Variants in VSTM2B observed in about 807,000 individuals in gnomAD.
The protein encoded by VSTM2B is V-set and transmembrane domain containing 2B, also known as V-set and transmembrane domain-containing protein 2B.
VSTM2B carries 24 observed loss-of-function variants against 24.0 expected under a neutral mutation model. That is an observed-to-expected ratio of 1.00 (90% CI 0.72 to 1.40). The LOEUF (loss-of-function observed/expected upper bound fraction) is 1.40. VSTM2B is among the 40% of genes most tolerant of loss of function. The pLI is 0.00. For missense variants in VSTM2B, 399 were observed against 416.4 expected (o/e 0.96, Z 0.36); for synonymous variants, 226 against 194.4 (o/e 1.16, Z -1.35).
At position 29,539,527 on chromosome 19, in the gene VSTM2B, A is replaced by G. The variant is rs374265432; in HGVS notation, c.769+9237A>G. Among the ~76,000 whole-genome samples the G allele has an allele frequency of 1.9e-4, 29 of 152,208 alleles. No homozygotes were observed. In the South Asian group the frequency reaches 3.5e-3, roughly 19 times the overall value. The stretch of plus-strand genomic sequence containing the variant: ...CCCCATCACTGGGGCCTTTACAGAG[A>G]TAGAGTGAGAGAGAGAGTGAGAGCC... On this transcript the variant is annotated intron_variant, in intron 4 of 4. Coordinates refer to ENST00000335523, the MANE Select transcript of VSTM2B (RefSeq NM_001146339.2).
At chr19:29,558,268 TA>T (rs1352005742) in intron 4 of VSTM2B, among the ~76,000 whole-genome samples, 2 of 152,188 alleles carry the variant, frequency 1.3e-5, no homozygotes, top group Non-Finnish European at 2.9e-5. Context: ...GGTGGGAATA[TA>T]AATTAGTTCA....
chr19:29,525,847 C>A (rs978609824), upstream of VSTM2B: 3 of 150,360 alleles, frequency 2.0e-5, no homozygotes, highest in African/African-American at 7.3e-5. Flanking sequence ...TCCGAGCGAC[C>A]CCCGAGGAGA....
intron 4 of VSTM2B, among the ~76,000 whole-genome samples, chr19:29,539,049 C>G (rs1419700303): frequency 2.6e-5 from 4 of 152,130 alleles, no homozygotes; most frequent in Non-Finnish European, 5.9e-5. Flanking sequence ...CTGGCTGCAC[C>G]ATTTCAAGGG....
chr19:29,533,293 A>G (rs1209211828), intron 4 of VSTM2B, among the ~76,000 whole-genome samples: 2 of 152,186 alleles, frequency 1.3e-5, no homozygotes, highest in Non-Finnish European at 2.9e-5. Flanking sequence ...GTCCACTGCC[A>G]TCTAGAAAGC....
At chr19:29,543,478 T>C (rs774676237) in intron 4 of VSTM2B, among the ~76,000 whole-genome samples, 8 of 152,226 alleles carry the variant, frequency 5.3e-5, no homozygotes, top group Non-Finnish European at 1.0e-4. Context: ...CGGATTGTAA[T>C]GGGAAAGGAC....
chr19:29,536,752 G>C (rs1170190132), intron 4 of VSTM2B, among the ~76,000 whole-genome samples: 2 of 152,150 alleles, frequency 1.3e-5, no homozygotes, highest in Admixed American at 1.3e-4. Context: ...AGCCAGCCTT[G>C]TTAAATGTCA....
intron 4 of VSTM2B, among the ~76,000 whole-genome samples, chr19:29,561,326 A>C (rs980662987): frequency 7.1e-5 from 9 of 126,178 alleles, no homozygotes; most frequent in Admixed American, 4.4e-4. Flanking sequence ...AAATAAAAAT[A>C]AAAAAAATTT....
At chr19:29,537,429 C>G (rs1969916215) in intron 4 of VSTM2B, among the ~76,000 whole-genome samples, 1 of 152,138 alleles carries the variant, frequency 6.6e-6, no homozygotes, top group African/African-American at 2.4e-5. Context: ...AGCCCAGGCC[C>G]CTTCTCCTGC....
rs1332513560 is a variant in VSTM2B, at chr19:29,526,420, G to C, written c.-164G>C. ...GAGCCGCACCGGGCAAGCCGGCGAG[G>C]GAGCGGGGCTGATTGGCGGCCGCCG... On this transcript the variant is annotated 5_prime_UTR_variant, in exon 1 of 5. Transcript: ENST00000335523. This position sits in a 1 kb window ranked among gnomAD's most constrained non-coding sequence, Gnocchi z 4.1. The C allele has an allele frequency of 8.0e-6, 2 of 249,670 alleles. No individual in the cohort carries two copies. The highest frequency in any genetic ancestry group is 2.3e-5 in the African/African-American group (1 of 43,584). The allele number at this position is 249,670 out of a possible 1,614,324, so 15.5% of individuals were successfully genotyped here. A position where few individuals can be genotyped will look rare whatever the true frequency, so the allele number is the denominator to read the frequency against.
At chr19:29,555,950 T>C (rs1229378865) in intron 4 of VSTM2B, among the ~76,000 whole-genome samples, 1 of 152,146 alleles carries the variant, frequency 6.6e-6, no homozygotes, top group Admixed American at 6.5e-5. Flanking sequence ...TGGGACCAGA[T>C]GGATTTACAG....
intron 4 of VSTM2B, among the ~76,000 whole-genome samples, chr19:29,534,425 A>G (rs1227395530): frequency 1.3e-5 from 2 of 152,160 alleles, no homozygotes; most frequent in Non-Finnish European, 2.9e-5. Context: ...GGCACTGAAG[A>G]GGCTCATGGC....
intron 4 of VSTM2B, among the ~76,000 whole-genome samples, chr19:29,540,089 C>A (rs1434537675): frequency 6.6e-6 from 1 of 152,242 alleles, no homozygotes; most frequent in African/African-American, 2.4e-5. Context: ...ACAATTGATT[C>A]TCATACAAAT....
rs188774369 is a variant in VSTM2B at position 29,555,893 on chromosome 19, T to A, written c.770-7953T>A. Among the ~76,000 whole-genome samples, 12 of 152,068 alleles carry A rather than the reference T, an allele frequency of 7.9e-5. No individual in the cohort carries two copies. In the East Asian group the frequency reaches 2.1e-3, roughly 27 times the overall value. On this transcript the variant is annotated intron_variant, in intron 4 of 4. Transcript: ENST00000335523. ...AATCCCTGAATAGACCAGTAATAAG[T>A]TTTGAAATTGAGGCAGTAATAAATA...
At chr19:29,527,144 C>T (rs1013299351) in intron 1 of VSTM2B, 67 bp from the exon 2 acceptor site, 10 of 1,398,360 alleles carry the variant, frequency 7.2e-6, no homozygotes, top group African/African-American at 5.8e-5. Context: ...CCGACTGCCT[C>T]GCTTTAGGTT....
Position 29,530,243 on chromosome 19 carries a change from C to G in VSTM2B, c.722C>G (p.Ser241Trp). 1.3e-6 allele frequency: 2 copies of G among 1,503,322 alleles called. No homozygotes were observed. The highest frequency in any genetic ancestry group is 1.8e-6 in the Non-Finnish European group (2 of 1,133,054). 93.1% of individuals were successfully genotyped at this position (1,503,322 alleles called of 1,614,324 possible). A position where few individuals can be genotyped will look rare whatever the true frequency, so the allele number is the denominator to read the frequency against. Residue 241 changes from serine (S) to tryptophan (W), a missense_variant, in exon 4 of 5, where the codon TCG becomes TGG. By Grantham distance (177) the Ser-to-Trp change is radical. Coordinates refer to ENST00000335523, the MANE Select transcript of VSTM2B (RefSeq NM_001146339.2). Reference sequence around the variant, plus strand: ...GCAGCTGCTGCTGCCTCGTCAGCGTCGCCGCCATCGGGACAGGCGGTCCTG... The same window carrying G: ...GCAGCTGCTGCTGCCTCGTCAGCGTGGCCGCCATCGGGACAGGCGGTCCTG... ...VAAAAAASSASPPSGQAVLLR... is the reference protein window; with the variant it reads ...VAAAAAASSAWPPSGQAVLLR...
intron 3 of VSTM2B, 128 bp downstream of exon 3, chr19:29,528,590 C>A (rs1969644897): frequency 1.7e-6 from 2 of 1,196,282 alleles, no homozygotes; most frequent in Non-Finnish European, 2.4e-6. Flanking sequence ...GCGATCGCAG[C>A]CTTGCATCGG....
At chr19:29,542,064 G>GT (rs1251657780) in intron 4 of VSTM2B, among the ~76,000 whole-genome samples, 1 of 151,062 alleles carries the variant, frequency 6.6e-6, no homozygotes, top group Non-Finnish European at 1.5e-5. Flanking sequence ...GAATGGATGG[G>GT]TAGAAGGATG....
intron 4 of VSTM2B, among the ~76,000 whole-genome samples, chr19:29,561,249 T>C (rs1409670608): frequency 6.6e-6 from 1 of 151,008 alleles, no homozygotes. Flanking sequence ...GAGGCAGAGG[T>C]TGCAGTGAGC....
chr19:29,532,921 A>G (rs1322870153), intron 4 of VSTM2B, among the ~76,000 whole-genome samples: 2 of 152,182 alleles, frequency 1.3e-5, no homozygotes, highest in Non-Finnish European at 2.9e-5. Context: ...CAAAATGATA[A>G]TGAGACCAAG....
Sources: gnomAD v4.1 joint callset for allele counts (sites outside exome capture counted in the v4.1 genomes callset) on GRCh38, gnomAD v4.1.1 for gene constraint, Gnocchi (gnomAD v3.1) non-coding constraint, MANE v1.5 for transcripts, NCBI Gene and HGNC (gene_info 2026-07-23, HGNC 2026-07-21) for gene names.